The following SCEL variants were observed in gnomAD, a reference collection of about 807,000 sequenced individuals.
The protein encoded by SCEL is sciellin.
SCEL carries 113 observed loss-of-function variants against 117.6 expected under a neutral mutation model. The observed-to-expected ratio is 0.96, with a 90% CI of 0.83 to 1.12. SCEL has a LOEUF of 1.12. SCEL is among the 50% of genes most tolerant of loss of function. The pLI is 0.00. For synonymous variants in SCEL, 270 were observed against 256.2 expected (o/e 1.05, Z -0.51); for missense variants, 785 against 810.8 (o/e 0.97, Z 0.39).
At chr13:77,639,798 AC>A (rs1349317401) in intron 30 of SCEL, among the ~76,000 whole-genome samples, 1 of 152,002 alleles carries the variant, frequency 6.6e-6, no homozygotes, top group African/African-American at 2.4e-5. Context: ...TAATTTCACT[AC>A]CCCATTACAT....
intron 24 of SCEL, among the ~76,000 whole-genome samples, chr13:77,615,266 G>A (rs760304790): frequency 6.6e-6 from 1 of 151,954 alleles, no homozygotes; most frequent in Non-Finnish European, 1.5e-5. Context: ...GAGACCAGGG[G>A]CAAAAATCTC....
chr13:77,599,733 A>C lies in SCEL; in HGVS notation c.902A>C (p.Asp301Ala). 1.9e-6 allele frequency: 3 copies of C among 1,610,892 alleles called. No individual in the cohort carries two copies. Among genetic ancestry groups the C allele is most frequent in the Non-Finnish European group, 2.5e-6 (3 of 1,177,018 alleles). Residue 301 changes from aspartate (D) to alanine (A), a missense_variant, in exon 15 of 33, where the codon GAT (aspartate) becomes GCT (alanine). Coordinates refer to ENST00000349847, the MANE Select transcript of SCEL (RefSeq NM_144777.3). The stretch of plus-strand genomic sequence containing the variant: ...CTCATCTATATGAGTACCCGGACAG[A>C]TAAAGATGGCAAAGGGTAAGATTTT... ...ESLIYMSTRT[D>A]KDGKGIQSLG...
intron 29 of SCEL, 91 bp from the exon 30 acceptor site, chr13:77,637,029 T>C (rs1445902329): frequency 1.7e-6 from 1 of 575,984 alleles, no homozygotes; most frequent in Non-Finnish European, 3.1e-6. Flanking sequence ...GATAAAATAT[T>C]ATGAGGCTTC....
At chr13:77,609,826 A>G (rs952101099) in intron 21 of SCEL, among the ~76,000 whole-genome samples, 5 of 152,194 alleles carry the variant, frequency 3.3e-5, no homozygotes, top group Non-Finnish European at 4.4e-5. Context: ...TGGGACATCA[A>G]ACATTTTCTA....
At chr13:77,619,939 GT>G (rs373065887) in intron 27 of SCEL, among the ~76,000 whole-genome samples, 3,113 of 152,134 alleles carry the variant, frequency 0.02, 107 homozygotes, top group African/African-American at 0.07. Flanking sequence ...TCTCAGAAGA[GT>G]TTTTTGCCTT....
At position 77,642,708 on chromosome 13, in the gene SCEL, T is replaced by C. The variant is rs146848719; in HGVS notation, c.1950T>C (p.Cys650=). ...TATATATGTATTTTTTTCTTTAGTG[T>C]GAAATATGCAAGCAGCCTTTGGAAA... is the stretch of plus-strand genomic sequence containing the variant. The part of the protein sequence containing the change: ...QICCHSTCFK[C]EICKQPLENL... The change falls in exon 32 of 33, where the codon TGT becomes TGC. Residue 650 remains cysteine (C), a splice_region_variant and synonymous_variant. Coordinates refer to ENST00000349847, the MANE Select transcript of SCEL (RefSeq NM_144777.3). 338 of 1,563,924 alleles carry C rather than the reference T, an allele frequency of 2.2e-4. 2 individuals carry two copies. In the African/African-American group the frequency reaches 4.0e-3, roughly 19 times the overall value.
At chr13:77,573,589 G>A (rs149799549) in intron 9 of SCEL, among the ~76,000 whole-genome samples, 1 of 148,824 alleles carries the variant, frequency 6.7e-6, no homozygotes, top group Non-Finnish European at 1.5e-5. Context: ...AACTGTAGTT[G>A]GTCAATAGAC....
intron 1 of SCEL, among the ~76,000 whole-genome samples, chr13:77,547,784 A>G (rs2084076768): frequency 6.6e-6 from 1 of 152,226 alleles, no homozygotes; most frequent in Non-Finnish European, 1.5e-5. Context: ...TTAAATGAGA[A>G]CAAGTGAAAT....
In SCEL at chr13:77,599,368, G is replaced by C. The variant is rs1374995220; in HGVS notation, c.837G>C (p.Lys279Asn). ...ATAGTCTCTTCAGAGCAAATCCAAA[G>C]GTAGAAGAAAGAGAGAAAAGGTAAG... ...GLDSLFRANP[K>N]VEEREKRAKS... Residue 279 changes from lysine to asparagine, a missense_variant, in exon 14 of 33, where the codon AAG (lysine) becomes AAC (asparagine). By Grantham distance (94) the Lys-to-Asn change is moderately conservative. Transcript: ENST00000349847. 6.2e-7 allele frequency: 1 copy of C among 1,612,638 alleles called. No individual in the cohort carries two copies. The highest frequency in any genetic ancestry group is 8.5e-7 in the Non-Finnish European group (1 of 1,179,090).
rs1285480785 is a variant in SCEL, at chr13:77,627,865, A to G, written c.1629-82A>G. 3 of 476,154 alleles carry G rather than the reference A, an allele frequency of 6.3e-6. No homozygotes were observed. The South Asian group carries it at 1.2e-4, about 19-fold the overall frequency. 29.5% of individuals were successfully genotyped at this position (476,154 alleles called of 1,614,324 possible). A position where few individuals can be genotyped will look rare whatever the true frequency, so the allele number is the denominator to read the frequency against. On this transcript the variant is annotated intron_variant, in intron 27 of 32. Coordinates refer to ENST00000349847, the MANE Select transcript of SCEL (RefSeq NM_144777.3). ...CAAATGACTGTGTCTAAGATTATGT[A>G]CTGATTTTAAAATGTTTTAGCATTT...
chr13:77,537,205 AT>A (rs2083458152), intron 1 of SCEL, among the ~76,000 whole-genome samples: 1 of 152,250 alleles, frequency 6.6e-6, no homozygotes, highest in African/African-American at 2.4e-5. Flanking sequence ...CGTCGTATAA[AT>A]CTTAGATCTA....
At chr13:77,618,922 A>G (rs1271516332) in intron 27 of SCEL, among the ~76,000 whole-genome samples, 1 of 152,168 alleles carries the variant, frequency 6.6e-6, no homozygotes, top group East Asian at 1.9e-4. Flanking sequence ...TACCAATTTT[A>G]ACCATAAGCT....
intron 29 of SCEL, among the ~76,000 whole-genome samples, chr13:77,636,109 A>C (rs1797320351): frequency 6.6e-6 from 1 of 152,218 alleles, no homozygotes; most frequent in Admixed American, 6.5e-5. Context: ...TGTACCTCAG[A>C]CATCCTTAAG....
At chr13:77,620,652 CAA>C (rs2089359060) in intron 27 of SCEL, among the ~76,000 whole-genome samples, 1 of 152,090 alleles carries the variant, frequency 6.6e-6, no homozygotes, top group African/African-American at 2.4e-5. Context: ...CAACCAGTGT[CAA>C]AGAGAGATAT....
chr13:77,633,442 C>CAAAAAAAAAAAAAAAAA (rs59939208), intron 28 of SCEL, among the ~76,000 whole-genome samples: 16 of 30,010 alleles, frequency 5.3e-4, no homozygotes, highest in African/African-American at 1.3e-3. Flanking sequence ...GACTCCGCCT[C>CAAAAAAAAAAAAAAAAA]AAAAAAAAAA....
intron 5 of SCEL, among the ~76,000 whole-genome samples, chr13:77,566,955 C>T (rs1411870588): frequency 6.6e-6 from 1 of 151,838 alleles, no homozygotes; most frequent in Non-Finnish European, 1.5e-5. Context: ...CCTGATTGCT[C>T]AGAAAGAAAA....
At chr13:77,611,891 C>T (rs1156735700) in intron 22 of SCEL, among the ~76,000 whole-genome samples, 1 of 152,100 alleles carries the variant, frequency 6.6e-6, no homozygotes, top group African/African-American at 2.4e-5. Context: ...TATTATTACT[C>T]TTAAAATTTT....
intron 28 of SCEL, among the ~76,000 whole-genome samples, chr13:77,632,644 A>G (rs1335865783): frequency 1.3e-5 from 2 of 152,102 alleles, no homozygotes; most frequent in African/African-American, 4.8e-5. Flanking sequence ...TAAGACCTAA[A>G]CCCTCATTTA....
intron 3 of SCEL, among the ~76,000 whole-genome samples, chr13:77,558,876 A>T (rs1406628440): frequency 6.6e-6 from 1 of 151,918 alleles, no homozygotes; most frequent in Non-Finnish European, 1.5e-5. Flanking sequence ...GTAGAGCATA[A>T]CCAGGAAAAA....
Sources: gnomAD v4.1 joint callset for allele counts (sites outside exome capture counted in the v4.1 genomes callset) on GRCh38, gnomAD v4.1.1 for gene constraint, MANE v1.5 for transcripts, NCBI Gene and HGNC (gene_info 2026-07-23, HGNC 2026-07-21) for gene names.